The following MPP7 variants were observed in gnomAD, a reference collection of about 807,000 sequenced individuals.
MPP7 encodes the protein MAGUK p55 subfamily member 7.
MPP7 carries 60 observed loss-of-function variants against 76.5 expected under a neutral mutation model. The ratio of observed to expected loss-of-function variants is 0.78; its 90% CI spans 0.64 to 0.97. The LOEUF is 0.97. Ranked by LOEUF, MPP7 falls within the 50% of genes least tolerant of loss-of-function variation. MPP7 has a pLI of 0.00. For missense variants in MPP7, 641 were observed against 694.0 expected (o/e 0.92, Z 0.86); for synonymous variants, 237 against 244.5 (o/e 0.97, Z 0.29).
chr10:28,130,866 A>G (rs1186242148), intron 6 of MPP7, among the ~76,000 whole-genome samples: 1 of 152,192 alleles, frequency 6.6e-6, no homozygotes, highest in African/African-American at 2.4e-5. Flanking sequence ...TGAATGAGAA[A>G]AATTTCAAGA....
intron 11 of MPP7, among the ~76,000 whole-genome samples, chr10:28,103,837 T>C (rs901384965): frequency 2.0e-5 from 3 of 151,944 alleles, no homozygotes; most frequent in Non-Finnish European, 4.4e-5. Context: ...TGGTTCTCTC[T>C]CGAGAGAAGC....
chr10:28,109,848 C>CAAAA (rs869206744), intron 11 of MPP7, among the ~76,000 whole-genome samples: 880 of 19,180 alleles, frequency 0.046, 262 homozygotes, highest in Non-Finnish European at 0.053. Flanking sequence ...GCCGCAGACG[C>CAAAA]AAAAAAAAAA....
chr10:28,056,017 G>A (rs1851539409), intron 16 of MPP7, among the ~76,000 whole-genome samples: 1 of 152,104 alleles, frequency 6.6e-6, no homozygotes, highest in South Asian at 2.1e-4. Context: ...CTGTATATAT[G>A]TTTTCATATA....
At chr10:28,262,288 T>TTTTTC (rs1840017306) in intron 1 of MPP7, among the ~76,000 whole-genome samples, 1 of 126,530 alleles carries the variant, frequency 7.9e-6, no homozygotes, top group African/African-American at 3.2e-5. Flanking sequence ...TTTTTTTTTT[T>TTTTTC]TTCTTCACCA....
At chr10:28,291,600 G>A (rs1010504435) in intron 1 of MPP7, among the ~76,000 whole-genome samples, 1 of 151,822 alleles carries the variant, frequency 6.6e-6, no homozygotes. Flanking sequence ...GAGACAGAGA[G>A]AGACACTGTC....
chr10:28,149,920 G>T, intron 4 of MPP7, 62 bp downstream of exon 4: 1 of 1,293,210 alleles, frequency 7.7e-7, no homozygotes, highest in Non-Finnish European at 1.1e-6. Flanking sequence ...CACTAGGACA[G>T]GTTCTGCCTG....
chr10:28,281,017 CTG>C (rs1564754734), intron 1 of MPP7, among the ~76,000 whole-genome samples: 1 of 151,994 alleles, frequency 6.6e-6, no homozygotes, highest in African/African-American at 2.4e-5. Context: ...GAAAGGCAAA[CTG>C]AGTAATTTAG....
chr10:28,309,530 G>C (rs889536601), intron 2 of MPP7, among the ~76,000 whole-genome samples: 2 of 152,058 alleles, frequency 1.3e-5, no homozygotes, highest in African/African-American at 4.8e-5. Flanking sequence ...CCCTTGGTGA[G>C]ACCCTCTGTG....
At chr10:28,327,184 G>C (rs1834424516) in intron 2 of MPP7, among the ~76,000 whole-genome samples, 1 of 149,444 alleles carries the variant, frequency 6.7e-6, no homozygotes, top group Non-Finnish European at 1.5e-5. Flanking sequence ...CTAGGAACTG[G>C]GAAGTCTTAG....
intron 3 of MPP7, among the ~76,000 whole-genome samples, chr10:28,180,985 T>A (rs1339794370): frequency 6.6e-6 from 1 of 152,194 alleles, no homozygotes; most frequent in African/African-American, 2.4e-5. Flanking sequence ...TACGGATGGA[T>A]GGATGGATGA....
rs112344390 is a variant in MPP7, at chr10:28,179,087, T to G, written c.156+23066A>C. On this transcript the variant is annotated intron_variant, in intron 3 of 16. Transcript: ENST00000683449. The stretch of plus-strand genomic sequence containing the variant: ...TGTCTCCAGGACTGAAAAGGTCCAT[T>G]GGATCCAACCATTACAACGACTGGG... Among the ~76,000 whole-genome samples, 552 of 152,240 alleles carry G rather than the reference T, an allele frequency of 3.6e-3. 2 individuals carry two copies. The highest frequency in any genetic ancestry group is 6.1e-3 in the Non-Finnish European group (413 of 67,998).
intron 11 of MPP7, chr10:28,118,512 C>T: frequency 5.1e-6 from 5 of 985,272 alleles, no homozygotes; most frequent in African/African-American, 1.7e-5. Flanking sequence ...CCTTTGAGAG[C>T]CAGTCAGGCA....
intron 2 of MPP7, among the ~76,000 whole-genome samples, chr10:28,233,061 T>C (rs1297789846): frequency 6.6e-6 from 1 of 152,188 alleles, no homozygotes; most frequent in Non-Finnish European, 1.5e-5. Flanking sequence ...AAAGATAGTA[T>C]GGCACTATCC....
At chr10:28,082,847 T>A (rs1316688195) in intron 12 of MPP7, among the ~76,000 whole-genome samples, 1 of 152,120 alleles carries the variant, frequency 6.6e-6, no homozygotes, top group Non-Finnish European at 1.5e-5. Flanking sequence ...TCCTTCTGCC[T>A]CAGTCTCCCG....
intron 1 of MPP7, among the ~76,000 whole-genome samples, chr10:28,300,549 G>T (rs11007000): frequency 0.083 from 12,578 of 152,220 alleles, 999 homozygotes; most frequent in East Asian, 0.41. Flanking sequence ...GGGCTAGAGT[G>T]ACAGCCTTGT....
rs755119087 is a variant in MPP7, at chr10:28,263,913, T to C, written c.-131-25178A>G. ...TGGGAGTCAGGTAGGGAAAGCGTTC[T>C]AGCTCCATACCCAATTCCAGAGGCA... is the stretch of plus-strand genomic sequence containing the variant. On this transcript the variant is annotated intron_variant, in intron 1 of 16. Transcript: ENST00000683449. Among the ~76,000 whole-genome samples, 7 of 152,134 alleles carry C rather than the reference T, an allele frequency of 4.6e-5. No individual in the cohort carries two copies. In the South Asian group the frequency reaches 1.2e-3, roughly 27 times the overall value.
At chr10:28,287,401 C>G (rs1364165846) in intron 1 of MPP7, among the ~76,000 whole-genome samples, 1 of 152,196 alleles carries the variant, frequency 6.6e-6, no homozygotes, top group Non-Finnish European at 1.5e-5. Flanking sequence ...ACACGTTTAT[C>G]ACCTGGATTG....
chr10:28,127,297 T>G (rs571506668), intron 6 of MPP7, among the ~76,000 whole-genome samples: 7 of 152,166 alleles, frequency 4.6e-5, no homozygotes, highest in African/African-American at 1.7e-4. Flanking sequence ...AATAAACTGA[T>G]GAAAAAGAAA....
In MPP7 at chr10:28,052,302, C is replaced by G. The variant is rs1170936195; in HGVS notation, c.*1763G>C. 2 of 152,166 alleles carry G rather than the reference C, an allele frequency of 1.3e-5. No individual in the cohort carries two copies. The highest frequency in any genetic ancestry group is 1.5e-5 in the Non-Finnish European group (1 of 68,006). The allele number at this position is 152,166 out of a possible 1,614,324, so 9.4% of individuals were successfully genotyped here. ...TACCCAAACAATCTACTTAAGACTT[C>G]AGGTTGGCAACCCTCCCTCTTTCAT... On this transcript the variant is annotated 3_prime_UTR_variant, in exon 17 of 17. Transcript: ENST00000683449.
Sources: gnomAD v4.1 joint callset for allele counts (sites outside exome capture counted in the v4.1 genomes callset) on GRCh38, gnomAD v4.1.1 for gene constraint, MANE v1.5 for transcripts, NCBI Gene and HGNC (gene_info 2026-07-23, HGNC 2026-07-21) for gene names.